CD163L1: variants seen among roughly 807,000 people sequenced by gnomAD.
The protein encoded by CD163L1 is CD163 molecule like 1, also known as scavenger receptor cysteine-rich type 1 protein M160.
Under a neutral mutation model 165.4 loss-of-function variants are expected in CD163L1, and 124 were observed. The observed-to-expected ratio is 0.75, with a 90% CI of 0.65 to 0.87. The LOEUF is 0.87. CD163L1 is among the 40% of genes least tolerant of loss of function. CD163L1 has a pLI of 0.00. For synonymous variants in CD163L1, 585 were observed against 662.2 expected (o/e 0.88, Z 1.79); for missense variants, 1,525 against 1,799.9 (o/e 0.85, Z 2.76).
intron 4 of CD163L1, among the ~76,000 whole-genome samples, chr12:7,413,681 C>G (rs1191185392): frequency 1.3e-5 from 2 of 152,192 alleles, no homozygotes; most frequent in Non-Finnish European, 2.9e-5. Context: ...GCAGCACATG[C>G]AAGATCCTCA....
rs1435994296 is a variant in CD163L1 at position 7,398,536 on chromosome 12, T to C, written c.1457A>G (p.Tyr486Cys). The C allele has an allele frequency of 6.2e-7, 1 of 1,609,882 alleles. No individual in the cohort carries two copies. Among genetic ancestry groups the C allele is most frequent in the South Asian group, 1.1e-5 (1 of 90,336 alleles). The part of the protein sequence containing the change: ...LRLVGAHSPC[Y>C]GRLEVKYQGE... ...TTGGTATTTCACCTCCAATCTCCCA[T>C]AACAGGGGCTATGAGCCCCGACAAG... is the stretch of plus-strand genomic sequence containing the variant. The change falls in exon 7 of 20, where the codon TAT becomes TGT. Residue 486 changes from tyrosine to cysteine, a missense_variant. Transcript: ENST00000313599. The surrounding 1 kb of genome is among the most constrained non-coding windows in gnomAD (Gnocchi z 4.5).
downstream of CD163L1, chr12:7,346,606 A>G (rs964887014): frequency 3.3e-5 from 5 of 152,202 alleles, no homozygotes; most frequent in African/African-American, 9.7e-5. Context: ...AATTCTTTCC[A>G]GTGTTAAACA....
At chr12:7,332,023 TA>T in the CD163L1 span, among the ~76,000 whole-genome samples, 1 of 152,144 alleles carries the variant, frequency 6.6e-6, no homozygotes, top group East Asian at 1.9e-4. Context: ...GCAAAGAAGT[TA>T]AAAACCTTGA....
chr12:7,411,746 T>C (rs888673931), intron 4 of CD163L1, among the ~76,000 whole-genome samples: 2 of 152,194 alleles, frequency 1.3e-5, no homozygotes, highest in Non-Finnish European at 2.9e-5. Flanking sequence ...TTCATAGCAA[T>C]GCAAATGGAC....
intron 18 of CD163L1, among the ~76,000 whole-genome samples, chr12:7,367,006 T>C (rs1021767652): frequency 2.6e-5 from 4 of 152,212 alleles, no homozygotes; most frequent in African/African-American, 9.6e-5. Flanking sequence ...TTGGTGCCTC[T>C]GCCATGAACT....
intron 4 of CD163L1, among the ~76,000 whole-genome samples, chr12:7,349,418 A>C (rs1322806746): frequency 6.6e-6 from 1 of 152,220 alleles, no homozygotes; most frequent in Non-Finnish European, 1.5e-5. Context: ...GACTTAATGC[A>C]TAGTAGTTAG....
the CD163L1 span, among the ~76,000 whole-genome samples, chr12:7,327,582 C>T: frequency 0.061 from 9,304 of 152,242 alleles, 384 homozygotes; most frequent in East Asian, 0.16. Context: ...AACAATACTA[C>T]GTAAATACAT....
At position 7,398,242 on chromosome 12, in the gene CD163L1, A is replaced by C; in HGVS notation, c.1729+22T>G. On this transcript the variant is annotated intron_variant, in intron 7 of 19. Coordinates refer to ENST00000313599, the MANE Select transcript of CD163L1 (RefSeq NM_174941.6). The surrounding 1 kb of genome is among the most constrained non-coding windows in gnomAD (Gnocchi z 4.5). The stretch of plus-strand genomic sequence containing the variant: ...AATACTATTTCTCTTATCAGGAAAT[A>C]ATAAACAAGAACAAGTCTTACCTGA... 3 of 1,593,012 alleles carry C rather than the reference A, an allele frequency of 1.9e-6. No homozygotes were observed. The highest frequency in any genetic ancestry group is 2.6e-6 in the Non-Finnish European group (3 of 1,167,798).
At chr12:7,378,439 C>T (rs1349265723) in intron 9 of CD163L1, among the ~76,000 whole-genome samples, 6 of 152,166 alleles carry the variant, frequency 3.9e-5, no homozygotes, top group Non-Finnish European at 8.8e-5. Context: ...ATTTATCATT[C>T]ACTTTAGAAT....
Position 7,421,542 on chromosome 12 carries a change from C to CACATAT in CD163L1, c.766+10868_766+10873dup, listed in dbSNP as rs1225192497. On this transcript the variant is annotated intron_variant, in intron 4 of 19. Coordinates refer to ENST00000313599, the MANE Select transcript of CD163L1 (RefSeq NM_174941.6). ...ATATGTACATATATACATATACGTA[C>CACATAT]ACATATACATATACATATATGTACA... is the stretch of plus-strand genomic sequence containing the variant. 4.9e-5 allele frequency among the ~76,000 whole-genome samples: 4 copies of CACATAT among 81,588 alleles called. 1 individual carries two copies. Among genetic ancestry groups the CACATAT allele is most frequent in the East Asian group, 8.4e-4 (2 of 2,394 alleles). 53.5% of individuals were successfully genotyped at this position (81,588 alleles called of 152,430 possible). A position where few individuals can be genotyped will look rare whatever the true frequency, so the allele number is the denominator to read the frequency against.
At position 7,398,371 on chromosome 12, in the gene CD163L1, T is replaced by C. The variant is rs770555785; in HGVS notation, c.1622A>G (p.Asp541Gly). The C allele has an allele frequency of 1.2e-6, 2 of 1,614,186 alleles. No homozygotes were observed. The highest frequency in any genetic ancestry group is 2.2e-5 in the South Asian group (2 of 91,072). The change falls in exon 7 of 20, where the codon GAT (aspartate) becomes GGT (glycine). Residue 541 changes from aspartate (D) to glycine (G), a missense_variant. Physicochemically the swap from Asp to Gly is moderately conservative, Grantham distance 94. Coordinates refer to ENST00000313599, the MANE Select transcript of CD163L1 (RefSeq NM_174941.6). This position sits in a 1 kb window ranked among gnomAD's most constrained non-coding sequence, Gnocchi z 4.5. ...FKEASGPIWL[D>G]DVSCIGNESN... Reference sequence around the variant, plus strand: ...CTCATTTCCAATGCAAGAAACGTCATCCAGCCAAATAGGTCCTGATGCTTC... The same window carrying C: ...CTCATTTCCAATGCAAGAAACGTCACCCAGCCAAATAGGTCCTGATGCTTC...
the CD163L1 span, among the ~76,000 whole-genome samples, chr12:7,334,153 A>T: frequency 6.6e-6 from 1 of 152,114 alleles, no homozygotes; most frequent in African/African-American, 2.4e-5. Context: ...GGCCAGCATC[A>T]TCCTGATACC....
At position 7,368,120 on chromosome 12, in the gene CD163L1, G is replaced by A. The variant is rs780603032; in HGVS notation, c.4150C>T (p.Arg1384Ter). The change falls in exon 17 of 20, where the codon CGA becomes TGA. Residue 1384 changes from arginine to a stop codon, truncating the protein, a stop_gained. Coordinates refer to ENST00000313599, the MANE Select transcript of CD163L1 (RefSeq NM_174941.6). LOFTEE classifies it high-confidence loss of function. This position sits in a 1 kb window ranked among gnomAD's most constrained non-coding sequence, Gnocchi z 4.3. ...GGCAGATGTTTTTGTTTCTGAACTC[G>A]GCACCACGTGAGAAATAGAATAAAC... ...VLFILFLTWC[R>*]VQKQKHLPLR... 39 of 1,611,642 alleles carry A rather than the reference G, an allele frequency of 2.4e-5. No homozygotes were observed. The highest frequency in any genetic ancestry group is 5.4e-5 in the African/African-American group (4 of 74,738).
At chr12:7,350,308 A>T (rs1250015995), downstream of CD163L1, among the ~76,000 whole-genome samples, 2 of 152,190 alleles carry the variant, frequency 1.3e-5, no homozygotes, top group African/African-American at 4.8e-5. Flanking sequence ...ATCTAAAGCT[A>T]CTTTTCATGA....
intron 1 of CD163L1, 37 bp from the exon 2 acceptor site, chr12:7,441,283 T>C: frequency 6.8e-7 from 1 of 1,480,844 alleles, no homozygotes; most frequent in Non-Finnish European, 9.4e-7. Flanking sequence ...GAATTTCATG[T>C]CTTTCTAAGA....
chr12:7,374,691 C>A lies in CD163L1; in HGVS notation c.3160G>T (p.Asp1054Tyr). The A allele has an allele frequency of 6.2e-7, 1 of 1,614,212 alleles. No homozygotes were observed. Among genetic ancestry groups the A allele is most frequent in the Non-Finnish European group, 8.5e-7 (1 of 1,180,036 alleles). Residue 1054 changes from aspartate (D) to tyrosine (Y), a missense_variant, in exon 13 of 20, where the codon GAC becomes TAC. By Grantham distance (160) the Asp-to-Tyr change is radical. Coordinates refer to ENST00000313599, the MANE Select transcript of CD163L1 (RefSeq NM_174941.6). This position sits in a 1 kb window ranked among gnomAD's most constrained non-coding sequence, Gnocchi z 5.4. ...RCAGRVEIYH[D>Y]GFWGTICDDG... Reference sequence around the variant, plus strand: ...TCACAGATGGTGCCCCAGAAGCCGTCGTGATAGATCTCTACTCTCCCGGCA... The same window carrying A: ...TCACAGATGGTGCCCCAGAAGCCGTAGTGATAGATCTCTACTCTCCCGGCA...
At chr12:7,421,157 G>GTA (rs1329938009) in intron 4 of CD163L1, among the ~76,000 whole-genome samples, 3 of 128,206 alleles carry the variant, frequency 2.3e-5, no homozygotes, top group East Asian at 2.2e-4. Context: ...GTGTATAAAT[G>GTA]TATATATATG....
chr12:7,385,582 G>A (rs1226930446), intron 8 of CD163L1, among the ~76,000 whole-genome samples: 2 of 151,712 alleles, frequency 1.3e-5, no homozygotes, highest in African/African-American at 2.4e-5. Flanking sequence ...CACATAAAAC[G>A]TTTTCCAGAA....
intron 5 of CD163L1, among the ~76,000 whole-genome samples, chr12:7,404,073 TGTCA>T (rs775835459): frequency 6.6e-6 from 1 of 152,144 alleles, no homozygotes; most frequent in African/African-American, 2.4e-5. Flanking sequence ...CATAACGACT[TGTCA>T]GTCTTTATGA....
Sources: gnomAD v4.1 joint callset for allele counts (sites outside exome capture counted in the v4.1 genomes callset) on GRCh38, gnomAD v4.1.1 for gene constraint, Gnocchi (gnomAD v3.1) non-coding constraint, MANE v1.5 for transcripts, NCBI Gene and HGNC (gene_info 2026-07-23, HGNC 2026-07-21) for gene names.